Variants in ITGAX observed in about 807,000 individuals in gnomAD.
ITGAX encodes the protein integrin subunit alpha X.
ITGAX carries 99 observed loss-of-function variants against 140.2 expected under a neutral mutation model. The observed-to-expected ratio is 0.71, with a 90% CI of 0.60 to 0.83. The LOEUF is 0.83. ITGAX is among the 40% of genes least tolerant of loss of function. The pLI is 0.00. For missense variants in ITGAX, 1,444 were observed against 1,482.0 expected, an observed-to-expected ratio of 0.97 and a Z score of 0.42; for synonymous variants, 631 against 600.4, an observed-to-expected ratio of 1.05 and a Z score of -0.75.
chr16:31,367,910 A>G (rs1383238867), intron 14 of ITGAX, among the ~76,000 whole-genome samples: 2 of 152,262 alleles, frequency 1.3e-5, no homozygotes. Flanking sequence ...TTTAGATGCC[A>G]TTAAGAACAT....
chr16:31,361,258 A>C, intron 9 of ITGAX, 45 bp downstream of exon 9: 1 of 1,571,856 alleles, frequency 6.4e-7, no homozygotes, highest in East Asian at 2.3e-5. Flanking sequence ...CTCAGCCGTT[A>C]ACACCTTTCC....
intron 24 of ITGAX, 34 bp downstream of exon 24, chr16:31,379,680 G>T (rs375881097): frequency 7.6e-6 from 12 of 1,573,382 alleles, no homozygotes; most frequent in Non-Finnish European, 1.0e-5. Flanking sequence ...CTGGGCTGGG[G>T]TGGGAGGCTG....
At chr16:31,376,158 G>GT (rs1397470035) in intron 20 of ITGAX, among the ~76,000 whole-genome samples, 10 of 152,202 alleles carry the variant, frequency 6.6e-5, no homozygotes, top group African/African-American at 2.2e-4. Context: ...CTTAAAATGA[G>GT]TGATGGTTAT....
chr16:31,363,504 T>C (rs1469741527), intron 14 of ITGAX, 130 bp downstream of exon 14: 7 of 1,036,916 alleles, frequency 6.8e-6, no homozygotes, highest in Admixed American at 4.1e-5. Flanking sequence ...CTTGTAGCAG[T>C]GGCGTGGTCT....
rs2081074902 is a variant in ITGAX, at chr16:31,382,204, G to T, written c.*297G>T. 2.9e-6 allele frequency: 4 copies of T among 1,398,284 alleles called. No homozygotes were observed. Among genetic ancestry groups the T allele is most frequent in the Non-Finnish European group, 2.8e-6 (3 of 1,079,418 alleles). The allele number at this position is 1,398,284 out of a possible 1,614,324, so 86.6% of individuals were successfully genotyped here. A position where few individuals can be genotyped will look rare whatever the true frequency, so the allele number is the denominator to read the frequency against. On this transcript the variant is annotated 3_prime_UTR_variant, in exon 30 of 30. Coordinates refer to ENST00000268296, the MANE Select transcript of ITGAX (RefSeq NM_000887.5). ...GCCTCAGTCTCCCTTCTCCCATGAG[G>T]CACGAATGATCTTTCTTTCCTTTCT...
rs1248375782 is a variant in ITGAX at position 31,382,474 on chromosome 16, A to G, written c.*567A>G. 22 of 1,526,208 alleles carry G rather than the reference A, an allele frequency of 1.4e-5. No individual in the cohort carries two copies. The Admixed American group carries it at 4.1e-4, about 29-fold the overall frequency. 94.5% of individuals were successfully genotyped at this position (1,526,208 alleles called of 1,614,324 possible). On this transcript the variant is annotated 3_prime_UTR_variant, in exon 30 of 30. Coordinates refer to ENST00000268296, the MANE Select transcript of ITGAX (RefSeq NM_000887.5). ...CCCCACCTGTCTTCAACAGCTCCCC[A>G]TTACCCTCAGGACAATGTCTGAACT...
intron 14 of ITGAX, chr16:31,370,118 G>C (rs2080939887): frequency 6.6e-6 from 1 of 152,128 alleles, no homozygotes. Flanking sequence ...ATCATGCCCA[G>C]CTAATTTTTG....
At chr16:31,355,775 C>A in intron 1 of ITGAX, 118 bp from the exon 2 acceptor site, 2 of 758,910 alleles carry the variant, frequency 2.6e-6, no homozygotes, top group South Asian at 1.6e-5. Context: ...GTCCAGAAGA[C>A]CCAGGCACCC....
At chr16:31,370,639 C>G (rs2080945893) in intron 14 of ITGAX, among the ~76,000 whole-genome samples, 1 of 152,174 alleles carries the variant, frequency 6.6e-6, no homozygotes, top group South Asian at 2.1e-4. Context: ...AGCCTTAATA[C>G]TCATTGTGAT....
rs1402722572 is a variant in ITGAX at position 31,380,215 on chromosome 16, C to T, written c.3061-51C>T. On this transcript the variant is annotated intron_variant, in intron 26 of 29. Coordinates refer to ENST00000268296, the MANE Select transcript of ITGAX (RefSeq NM_000887.5). ...CAAGTCACACCGCATAATGCTGCCT[C>T]CCACCTTCACACTCATCTTTCTCAG... 5 of 1,584,284 alleles carry T rather than the reference C, an allele frequency of 3.2e-6. 1 individual carries two copies. In the Admixed American group the frequency reaches 8.7e-5, roughly 27 times the overall value.
At chr16:31,377,132 A>G (rs1457606279) in intron 22 of ITGAX, 50 bp from the exon 23 acceptor site, 3 of 1,611,112 alleles carry the variant, frequency 1.9e-6, no homozygotes, top group East Asian at 2.2e-5. Flanking sequence ...CTCACACCCC[A>G]TTCTCCTCCT....
chr16:31,369,532 C>T (rs1196868439), intron 14 of ITGAX, among the ~76,000 whole-genome samples: 1 of 152,228 alleles, frequency 6.6e-6, no homozygotes, highest in African/African-American at 2.4e-5. Flanking sequence ...ATTGCCATAG[C>T]CACCCCAACC....
chr16:31,377,013 C>T lies in ITGAX; in HGVS notation c.2639C>T (p.Ala880Val). Residue 880 changes from alanine to valine, a missense_variant, in exon 22 of 30, where the codon GCT becomes GTT. Coordinates refer to ENST00000268296, the MANE Select transcript of ITGAX (RefSeq NM_000887.5). ...CCTTTTCCTCAGATCACCTTCTTGG[C>T]TACCTTTGACGTCTCCCCCAAGGCT... is the stretch of plus-strand genomic sequence containing the variant. The part of the protein sequence containing the change: ...FRGGAQITFL[A>V]TFDVSPKAVL... 1.2e-6 allele frequency: 2 copies of T among 1,614,192 alleles called. No individual in the cohort carries two copies. The highest frequency in any genetic ancestry group is 1.7e-6 in the Non-Finnish European group (2 of 1,180,024).
chr16:31,357,484 C>T, intron 5 of ITGAX, 120 bp downstream of exon 5: 1 of 672,902 alleles, frequency 1.5e-6, no homozygotes, highest in Non-Finnish European at 2.5e-6. Flanking sequence ...AAAGAGTTAC[C>T]ACGTGTTGCA....
chr16:31,363,001 G>A lies in ITGAX; in HGVS notation c.1426G>A (p.Val476Ile). ...AGACAGCGACGGCAGCACCGACCTG[G>A]TCCTCATCGGGGCCCCCCATTACTA... ...DVDSDGSTDL[V>I]LIGAPHYYEQ... Residue 476 changes from valine (V) to isoleucine (I), a missense_variant, in exon 13 of 30, where the codon GTC (valine) becomes ATC (isoleucine). Val to Ile is a conservative substitution (Grantham distance 29). Coordinates refer to ENST00000268296, the MANE Select transcript of ITGAX (RefSeq NM_000887.5). The A allele has an allele frequency of 6.2e-7, 1 of 1,611,906 alleles. No homozygotes were observed. The highest frequency in any genetic ancestry group is 8.5e-7 in the Non-Finnish European group (1 of 1,179,808).
chr16:31,361,819 G>T lies in ITGAX; in HGVS notation c.1013-17G>T. ...CCGTCTCCCTCCCTGGCACTCAAGC[G>T]TCATGCCTTCCCCCAGGTACGGAGA... On this transcript the variant is annotated splice_polypyrimidine_tract_variant and intron_variant, in intron 9 of 29. Transcript: ENST00000268296. 1.9e-6 allele frequency: 3 copies of T among 1,613,804 alleles called. No individual in the cohort carries two copies. Among genetic ancestry groups the T allele is most frequent in the Non-Finnish European group, 2.5e-6 (3 of 1,179,798 alleles).
chr16:31,361,577 C>A, intron 9 of ITGAX: 1 of 709,994 alleles, frequency 1.4e-6, no homozygotes, highest in Non-Finnish European at 2.5e-6. Context: ...ACACGGACAC[C>A]TGGCCCCCTC....
intron 12 of ITGAX, 52 bp downstream of exon 12, chr16:31,362,805 G>A (rs750926781): frequency 2.5e-5 from 40 of 1,610,646 alleles, no homozygotes; most frequent in Non-Finnish European, 2.4e-5. Context: ...GAGGTGGCTG[G>A]GGCAGAGGAG....
chr16:31,382,225 TTTC>T lies in ITGAX; in HGVS notation c.*321_*323del. On this transcript the variant is annotated 3_prime_UTR_variant, in exon 30 of 30. Coordinates refer to ENST00000268296, the MANE Select transcript of ITGAX (RefSeq NM_000887.5). ...TGAGGCACGAATGATCTTTCTTTCC[TTTC>T]TTTTTTTTTTTTTTTCTTTTCTTTT... The T allele has an allele frequency of 1.7e-6, 2 of 1,207,250 alleles. No individual in the cohort carries two copies. The highest frequency in any genetic ancestry group is 2.1e-6 in the Non-Finnish European group (2 of 949,084). 74.8% of individuals were successfully genotyped at this position (1,207,250 alleles called of 1,614,324 possible).
Sources: gnomAD v4.1 joint callset for allele counts (sites outside exome capture counted in the v4.1 genomes callset) on GRCh38, gnomAD v4.1.1 for gene constraint, MANE v1.5 for transcripts, NCBI Gene and HGNC (gene_info 2026-07-23, HGNC 2026-07-21) for gene names.